DDX10: variants seen among roughly 807,000 people sequenced by gnomAD.
DDX10 encodes probable ATP-dependent RNA helicase DDX10.
In DDX10, 74 loss-of-function variants were observed where a neutral mutation model predicts 104.3. The ratio of observed to expected loss-of-function variants is 0.71; its 90% CI spans 0.59 to 0.86. The LOEUF (loss-of-function observed/expected upper bound fraction) is 0.86. Among genes scored for constraint, DDX10 ranks in the 40% least tolerant of loss-of-function variants. The pLI is 0.00. For synonymous variants in DDX10, 351 were observed against 353.4 expected, an observed-to-expected ratio of 0.99 and a Z score of 0.08; for missense variants, 952 against 1,040.0, an observed-to-expected ratio of 0.92 and a Z score of 1.16.
intron 13 of DDX10, among the ~76,000 whole-genome samples, chr11:108,796,954 C>T (rs763479313): frequency 1.3e-5 from 2 of 152,182 alleles, no homozygotes; most frequent in Non-Finnish European, 2.9e-5. Flanking sequence ...ATGTTGGCAC[C>T]TTGATCTTGT....
Position 108,904,775 on chromosome 11 carries a change from T to G in DDX10, c.2305-13098T>G, listed in dbSNP as rs943221065. On this transcript the variant is annotated intron_variant, in intron 16 of 17. Coordinates refer to ENST00000322536, the MANE Select transcript of DDX10 (RefSeq NM_004398.4). ...GACAGTTTTGGCCAAAGATTGAAAA[T>G]GTAGCCATGTGCCAGAGAGATATAT... Among the ~76,000 whole-genome samples the G allele has an allele frequency of 2.0e-5, 3 of 152,004 alleles. No individual in the cohort carries two copies. The South Asian group carries it at 6.2e-4, about 32-fold the overall frequency.
chr11:108,816,700 C>T (rs1052819889), intron 13 of DDX10, among the ~76,000 whole-genome samples: 3 of 152,002 alleles, frequency 2.0e-5, no homozygotes, highest in Non-Finnish European at 4.4e-5. Context: ...TTACAGGTGC[C>T]CACCACCAGG....
chr11:108,690,200 G>C (rs1200331880), intron 7 of DDX10: 1 of 152,248 alleles, frequency 6.6e-6, no homozygotes, highest in African/African-American at 2.4e-5. Flanking sequence ...TCCTAAAGAA[G>C]AGTTAGTTGG....
chr11:108,732,708 A>C (rs2094313743), intron 13 of DDX10, among the ~76,000 whole-genome samples: 1 of 152,186 alleles, frequency 6.6e-6, no homozygotes, highest in South Asian at 2.1e-4. Flanking sequence ...ATCAGGCACA[A>C]AGGCAGTAAG....
intron 13 of DDX10, among the ~76,000 whole-genome samples, chr11:108,834,380 A>G (rs1025118878): frequency 6.6e-6 from 1 of 152,106 alleles, no homozygotes; most frequent in Non-Finnish European, 1.5e-5. Flanking sequence ...CTTGTATGGC[A>G]TTAACTACAG....
intron 17 of DDX10, chr11:108,918,691 T>A (rs1326370267): frequency 6.6e-6 from 1 of 152,174 alleles, no homozygotes; most frequent in Non-Finnish European, 1.5e-5. Context: ...TCTTGACAAA[T>A]TCCTTCACTT....
chr11:108,929,441 AC>A (rs1863949625), intron 17 of DDX10: 1 of 152,188 alleles, frequency 6.6e-6, no homozygotes, highest in Non-Finnish European at 1.5e-5. Flanking sequence ...TTAAATATTT[AC>A]CCTAATAGCA....
intron 16 of DDX10, among the ~76,000 whole-genome samples, chr11:108,865,258 A>G (rs1862994880): frequency 6.6e-6 from 1 of 152,184 alleles, no homozygotes; most frequent in South Asian, 2.1e-4. Flanking sequence ...ATAGCAGTAG[A>G]TCACTGTGTG....
chr11:108,672,657 T>C (rs916298700), intron 1 of DDX10, among the ~76,000 whole-genome samples: 1 of 152,248 alleles, frequency 6.6e-6, no homozygotes. Context: ...TTTAAATAAA[T>C]GAACCATACA....
intron 13 of DDX10, among the ~76,000 whole-genome samples, chr11:108,770,868 T>C (rs900191095): frequency 6.6e-6 from 1 of 151,974 alleles, no homozygotes; most frequent in Non-Finnish European, 1.5e-5. Context: ...TACCCAACAG[T>C]GGGATTGCTG....
intron 13 of DDX10, among the ~76,000 whole-genome samples, chr11:108,756,547 A>G (rs1370501114): frequency 6.6e-6 from 1 of 152,032 alleles, no homozygotes; most frequent in African/African-American, 2.4e-5. Flanking sequence ...TTGATTTAAG[A>G]TATTGTGGAC....
At chr11:108,922,674 A>C (rs796947990) in intron 17 of DDX10, among the ~76,000 whole-genome samples, 10 of 152,398 alleles carry the variant, frequency 6.6e-5, no homozygotes, top group African/African-American at 2.4e-4. Flanking sequence ...TAAAATTATC[A>C]GAATTGTTAT....
intron 13 of DDX10, among the ~76,000 whole-genome samples, chr11:108,803,582 GAAAAAAAAAAAAAAAAAAAA>G (rs1308930520): frequency 4.5e-5 from 1 of 22,468 alleles, no homozygotes; most frequent in Non-Finnish European, 1.2e-4. Context: ...CAACAAGAGC[GAAAAAAAAAAAAAAAAAAAA>G]GAAAAAAATC....
At chr11:108,898,146 C>T (rs1157999017) in intron 16 of DDX10, among the ~76,000 whole-genome samples, 2 of 152,054 alleles carry the variant, frequency 1.3e-5, no homozygotes, top group African/African-American at 2.4e-5. Context: ...AGGGGGCTGC[C>T]CATCACAGAC....
chr11:108,918,273 T>G, intron 17 of DDX10: 1 of 429,274 alleles, frequency 2.3e-6, no homozygotes, highest in Non-Finnish European at 4.1e-6. Context: ...ATATGAGTTG[T>G]GTTTTTCCTT....
At chr11:108,711,722 G>C (rs1459646760) in intron 10 of DDX10, among the ~76,000 whole-genome samples, 2 of 152,128 alleles carry the variant, frequency 1.3e-5, no homozygotes. Flanking sequence ...GTGTTTTATG[G>C]CCCAGAATGT....
At chr11:108,799,647 A>G (rs76247657) in intron 13 of DDX10, among the ~76,000 whole-genome samples, 2,369 of 152,308 alleles carry the variant, frequency 0.016, 67 homozygotes, top group African/African-American at 0.052. Context: ...CCATTGAGAA[A>G]GGTCTAGTCT....
intron 16 of DDX10, among the ~76,000 whole-genome samples, chr11:108,905,314 G>C (rs1225265032): frequency 3.2e-5 from 4 of 126,530 alleles, no homozygotes; most frequent in African/African-American, 1.8e-4. Context: ...ATTGTTTAAG[G>C]GGGGGGGGGG....
chr11:108,720,363 C>T (rs1370302233), intron 12 of DDX10, among the ~76,000 whole-genome samples: 1 of 152,140 alleles, frequency 6.6e-6, no homozygotes, highest in African/African-American at 2.4e-5. Flanking sequence ...TTCTCTGAAA[C>T]CCTTGCCTGG....
Sources: gnomAD v4.1 joint callset for allele counts (sites outside exome capture counted in the v4.1 genomes callset) on GRCh38, gnomAD v4.1.1 for gene constraint, MANE v1.5 for transcripts, NCBI Gene and HGNC (gene_info 2026-07-23, HGNC 2026-07-21) for gene names.